Variants in FHIT observed in about 807,000 individuals in gnomAD.
FHIT encodes the protein bis(5'-adenosyl)-triphosphatase.
FHIT carries 19 observed loss-of-function variants against 17.9 expected under a neutral mutation model. That is an observed-to-expected ratio of 1.06 (90% CI 0.74 to 1.56). The LOEUF is 1.56. Ranked by LOEUF, FHIT falls within the 40% of genes most tolerant of loss-of-function variation. The pLI is 0.00. For synonymous variants in FHIT, 81 were observed against 69.7 expected, an observed-to-expected ratio of 1.16 and a Z score of -0.81; for missense variants, 248 against 189.2, an observed-to-expected ratio of 1.31 and a Z score of -1.82.
intron 5 of FHIT, among the ~76,000 whole-genome samples, chr3:60,438,887 G>C (rs944427532): frequency 2.0e-5 from 3 of 152,050 alleles, no homozygotes; most frequent in African/African-American, 7.2e-5. Flanking sequence ...CACCTCAGTT[G>C]TATGTTTACC....
At chr3:60,887,639 T>C (rs1436777161) in intron 3 of FHIT, among the ~76,000 whole-genome samples, 1 of 151,778 alleles carries the variant, frequency 6.6e-6, no homozygotes. Context: ...AGAGTGAAAC[T>C]CCGTCCCAAA....
At chr3:60,314,676 G>C (rs916531505) in intron 5 of FHIT, among the ~76,000 whole-genome samples, 1 of 152,136 alleles carries the variant, frequency 6.6e-6, no homozygotes, top group Non-Finnish European at 1.5e-5. Context: ...AGCAACATAT[G>C]GTGTGGCAGA....
chr3:60,409,747 T>C (rs998308838), intron 5 of FHIT, among the ~76,000 whole-genome samples: 1 of 152,144 alleles, frequency 6.6e-6, no homozygotes, highest in Non-Finnish European at 1.5e-5. Context: ...CAGATTATCA[T>C]CAAAATACAA....
chr3:60,455,622 T>C (rs746498451), intron 5 of FHIT, among the ~76,000 whole-genome samples: 24 of 152,086 alleles, frequency 1.6e-4, no homozygotes, highest in Non-Finnish European at 3.2e-4. Context: ...AAAAGAGTCA[T>C]TTAACTATTA....
chr3:60,340,586 C>T (rs1037005790), intron 5 of FHIT, among the ~76,000 whole-genome samples: 1 of 152,178 alleles, frequency 6.6e-6, no homozygotes, highest in Non-Finnish European at 1.5e-5. Context: ...CACTTGAGAA[C>T]ATTTTAAGCA....
chr3:60,659,895 T>C (rs1553690615), intron 4 of FHIT, among the ~76,000 whole-genome samples: 2 of 152,316 alleles, frequency 1.3e-5, no homozygotes, highest in African/African-American at 4.8e-5. Flanking sequence ...ATGTGATAAC[T>C]GTGAAAATCA....
chr3:60,026,784 T>C (rs62238398), intron 5 of FHIT, among the ~76,000 whole-genome samples: 6,294 of 152,238 alleles, frequency 0.041, 159 homozygotes, highest in Middle Eastern at 0.061. Flanking sequence ...CAGAACACTA[T>C]ATGGTTTACC....
chr3:60,085,209 TAGACAG>T (rs969037692), intron 5 of FHIT, among the ~76,000 whole-genome samples: 3 of 152,088 alleles, frequency 2.0e-5, no homozygotes, highest in African/African-American at 7.2e-5. Context: ...CCTTATAAAC[TAGACAG>T]AGACAAAGAT....
chr3:60,032,359 G>A (rs1701036988), intron 5 of FHIT, among the ~76,000 whole-genome samples: 1 of 152,034 alleles, frequency 6.6e-6, no homozygotes, highest in East Asian at 1.9e-4. Flanking sequence ...GACTGAGATG[G>A]GAGGACTGCT....
chr3:60,037,145 C>A (rs533916937), intron 5 of FHIT, among the ~76,000 whole-genome samples: 1 of 152,184 alleles, frequency 6.6e-6, no homozygotes, highest in African/African-American at 2.4e-5. Context: ...TAACCTCATT[C>A]GTGAATTTAT....
At chr3:60,056,274 T>C (rs566993780) in intron 5 of FHIT, among the ~76,000 whole-genome samples, 1 of 152,320 alleles carries the variant, frequency 6.6e-6, no homozygotes, top group South Asian at 2.1e-4. Context: ...GAAATTTTGG[T>C]GTAGATTAGA....
At chr3:60,945,893 T>C (rs910646240) in intron 3 of FHIT, among the ~76,000 whole-genome samples, 4 of 152,102 alleles carry the variant, frequency 2.6e-5, no homozygotes, top group Non-Finnish European at 5.9e-5. Context: ...AGTAGAAGTA[T>C]TAGGTAAACA....
intron 4 of FHIT, among the ~76,000 whole-genome samples, chr3:60,682,480 GA>G (rs1462373612): frequency 6.6e-6 from 1 of 152,190 alleles, no homozygotes; most frequent in African/African-American, 2.4e-5. Flanking sequence ...CCTTAAGAAT[GA>G]TACTACACCA....
chr3:60,994,648 C>T (rs2030520260), intron 3 of FHIT, among the ~76,000 whole-genome samples: 1 of 152,152 alleles, frequency 6.6e-6, no homozygotes. Context: ...AAGATCTTGG[C>T]ACCGGAGATG....
chr3:59,967,661 C>T (rs544615861), intron 7 of FHIT, among the ~76,000 whole-genome samples: 3 of 152,206 alleles, frequency 2.0e-5, no homozygotes, highest in African/African-American at 7.2e-5. Flanking sequence ...AAGGTGTTCA[C>T]GAAGAGCCAG....
At chr3:60,884,780 T>C (rs1367758970) in intron 3 of FHIT, among the ~76,000 whole-genome samples, 4 of 151,676 alleles carry the variant, frequency 2.6e-5, no homozygotes, top group Non-Finnish European at 4.4e-5. Context: ...AAAAATTAAC[T>C]GGCTGTCCTA....
chr3:60,784,044 T>A (rs1553726271), intron 4 of FHIT, among the ~76,000 whole-genome samples: 1 of 152,214 alleles, frequency 6.6e-6, no homozygotes, highest in Non-Finnish European at 1.5e-5. Flanking sequence ...GGTCGTGAAC[T>A]GCCCATCAGT....
chr3:59,781,765 C>T (rs1478222217), intron 8 of FHIT, among the ~76,000 whole-genome samples: 1 of 152,132 alleles, frequency 6.6e-6, no homozygotes, highest in Non-Finnish European at 1.5e-5. Context: ...CTACCTGGTC[C>T]CAGATGAAGA....
chr3:59,978,284 G>T (rs953458698), intron 7 of FHIT, among the ~76,000 whole-genome samples: 1 of 151,964 alleles, frequency 6.6e-6, no homozygotes, highest in Non-Finnish European at 1.5e-5. Flanking sequence ...TTTCAAGAAG[G>T]CCTGTCATAA....
Sources: gnomAD v4.1 joint callset for allele counts (sites outside exome capture counted in the v4.1 genomes callset) on GRCh38, gnomAD v4.1.1 for gene constraint, MANE v1.5 for transcripts, NCBI Gene and HGNC (gene_info 2026-07-23, HGNC 2026-07-21) for gene names.